MYRFL: variants seen among roughly 807,000 people sequenced by gnomAD.
The protein encoded by MYRFL is myelin regulatory factor-like protein.
MYRFL carries 88 observed loss-of-function variants against 109.4 expected under a neutral mutation model. The observed-to-expected ratio is 0.80, with a 90% CI of 0.68 to 0.96. MYRFL has a LOEUF of 0.96. MYRFL is among the 40% of genes least tolerant of loss of function. The pLI is 0.00. For missense variants in MYRFL, 957 were observed against 954.9 expected, an observed-to-expected ratio of 1.00 and a Z score of -0.03; for synonymous variants, 324 against 320.9, an observed-to-expected ratio of 1.01 and a Z score of -0.10.
intron 19 of MYRFL, among the ~76,000 whole-genome samples, chr12:69,938,842 T>A (rs1457925723): frequency 6.6e-6 from 1 of 152,038 alleles, no homozygotes; most frequent in African/African-American, 2.4e-5. Context: ...GCGCGCACCG[T>A]GCGCGAGCCG....
chr12:69,872,750 C>T (rs1028608493), intron 2 of MYRFL, among the ~76,000 whole-genome samples: 21 of 152,050 alleles, frequency 1.4e-4, no homozygotes, highest in African/African-American at 3.4e-4. Flanking sequence ...CCACCTGCCT[C>T]GGCCTCCCAA....
rs1038315396 is a variant in MYRFL, at chr12:69,891,433, G to T, written c.903+267G>T. ...TGGCCATCAGCTGGAGCTCAAATGG[G>T]GCTCTAACTGACAGGGCTTAGCTCT... is the stretch of plus-strand genomic sequence containing the variant. On this transcript the variant is annotated intron_variant, in intron 7 of 24. Coordinates refer to ENST00000552032, the MANE Select transcript of MYRFL (RefSeq NM_182530.3). Among the ~76,000 whole-genome samples, 12 of 152,148 alleles carry T rather than the reference G, an allele frequency of 7.9e-5. 1 individual carries two copies. Among genetic ancestry groups the T allele is most frequent in the Admixed American group, 7.9e-4 (12 of 15,286 alleles).
chr12:69,932,099 T>C (rs972890715), intron 15 of MYRFL, among the ~76,000 whole-genome samples: 7 of 152,228 alleles, frequency 4.6e-5, no homozygotes, highest in South Asian at 2.1e-4. Flanking sequence ...AATCATTCCA[T>C]TGGAATTCAT....
At chr12:69,870,141 C>T (rs1400417501) in intron 2 of MYRFL, among the ~76,000 whole-genome samples, 1 of 108,780 alleles carries the variant, frequency 9.2e-6, no homozygotes, top group Non-Finnish European at 1.7e-5. Context: ...CAGAGTCTCA[C>T]TCTGTTGCCC....
chr12:69,929,466 TAGACA>T (rs1202210672), intron 15 of MYRFL, among the ~76,000 whole-genome samples: 5 of 152,152 alleles, frequency 3.3e-5, no homozygotes, highest in South Asian at 4.1e-4. Flanking sequence ...AAGCTTTGGC[TAGACA>T]TCAATGAAAT....
chr12:69,955,896 C>T (rs1343327102), intron 22 of MYRFL, among the ~76,000 whole-genome samples: 3 of 151,474 alleles, frequency 2.0e-5, no homozygotes, highest in African/African-American at 7.3e-5. Context: ...GACCAGGGTC[C>T]AAGGATTCTG....
At chr12:69,947,656 T>C (rs1212029954) in intron 19 of MYRFL, among the ~76,000 whole-genome samples, 1 of 152,200 alleles carries the variant, frequency 6.6e-6, no homozygotes, top group African/African-American at 2.4e-5. Context: ...ATATTAGAGT[T>C]GGTGAAGATT....
intron 13 of MYRFL, among the ~76,000 whole-genome samples, chr12:69,914,457 C>T (rs1219231297): frequency 6.6e-6 from 1 of 152,100 alleles, no homozygotes; most frequent in Non-Finnish European, 1.5e-5. Flanking sequence ...CTGGAAGCAG[C>T]TATATAACTT....
At chr12:69,947,772 C>T (rs1199052346) in intron 19 of MYRFL, among the ~76,000 whole-genome samples, 4 of 152,122 alleles carry the variant, frequency 2.6e-5, no homozygotes, top group African/African-American at 4.8e-5. Context: ...ACTCAGCCAT[C>T]GACTGGTGGG....
chr12:69,952,579 C>CTGAG (rs1290619233), intron 20 of MYRFL, among the ~76,000 whole-genome samples: 1 of 152,100 alleles, frequency 6.6e-6, no homozygotes, highest in Non-Finnish European at 1.5e-5. Flanking sequence ...TTATTGGAGC[C>CTGAG]TGAGTTTTTA....
At chr12:69,891,609 T>TTCCTCCTTCCTTTC (rs1886837503) in intron 7 of MYRFL, among the ~76,000 whole-genome samples, 5 of 105,648 alleles carry the variant, frequency 4.7e-5, no homozygotes, top group Non-Finnish European at 5.6e-5. Flanking sequence ...TTCTTTCTCT[T>TTCCTCCTTCCTTTC]TCTTTCTTTC....
chr12:69,936,590 A>G lies in MYRFL; in HGVS notation c.2182A>G (p.Arg728Gly). 6.5e-7 allele frequency: 1 copy of G among 1,535,030 alleles called. No homozygotes were observed. Residue 728 changes from arginine (R) to glycine (G), a missense_variant, in exon 19 of 25, where the codon AGA (arginine) becomes GGA (glycine). Transcript: ENST00000552032. ...MKEVSSSPVQ[R>G]QSEEKEFHQR... ...AGAAGTCTCTTCAAGTCCTGTGCAA[A>G]GACAATCTGAGGAGAAGGAATTCCA...
intron 4 of MYRFL, among the ~76,000 whole-genome samples, chr12:69,879,928 G>A (rs920119089): frequency 4.6e-5 from 7 of 152,066 alleles, no homozygotes; most frequent in African/African-American, 1.2e-4. Flanking sequence ...AAAAGTTGTC[G>A]GGTGTAAAAT....
chr12:69,892,733 C>A (rs146749642), intron 7 of MYRFL, among the ~76,000 whole-genome samples: 48 of 152,252 alleles, frequency 3.2e-4, no homozygotes, highest in Admixed American at 8.5e-4. Flanking sequence ...AAAAGACATT[C>A]TTTGTATGAT....
At chr12:69,956,849 T>A (rs941558449) in intron 22 of MYRFL, among the ~76,000 whole-genome samples, 1 of 152,182 alleles carries the variant, frequency 6.6e-6, no homozygotes, top group Non-Finnish European at 1.5e-5. Context: ...ACTATTCTTA[T>A]AAACTGAAAG....
At chr12:69,912,297 T>C (rs1222130158) in intron 13 of MYRFL, among the ~76,000 whole-genome samples, 1 of 152,250 alleles carries the variant, frequency 6.6e-6, no homozygotes, top group African/African-American at 2.4e-5. Flanking sequence ...AGGTTTTTTA[T>C]TGTGGTAAAA....
intron 2 of MYRFL, among the ~76,000 whole-genome samples, chr12:69,871,865 T>C (rs549342637): frequency 2.0e-5 from 3 of 152,200 alleles, no homozygotes; most frequent in Non-Finnish European, 2.9e-5. Flanking sequence ...TTCTCAATGT[T>C]AAAAATAATC....
At position 69,895,493 on chromosome 12, in the gene MYRFL, A is replaced by C; in HGVS notation, c.1091+12A>C. 1.3e-6 allele frequency: 2 copies of C among 1,531,736 alleles called. No individual in the cohort carries two copies. The highest frequency in any genetic ancestry group is 1.7e-6 in the Non-Finnish European group (2 of 1,143,018). The allele number at this position is 1,531,736 out of a possible 1,614,324, so 94.9% of individuals were successfully genotyped here. ...AATCCAGACCAGAGGTACTGATGTC[A>C]CTGTGTGCATGGCAGTGTGGCTGGG... On this transcript the variant is annotated intron_variant, in intron 9 of 24. Transcript: ENST00000552032.
intron 8 of MYRFL, 125 bp downstream of exon 8, chr12:69,893,965 A>G (rs559892301): frequency 2.1e-5 from 5 of 242,966 alleles, no homozygotes; most frequent in African/African-American, 9.3e-5. Flanking sequence ...GAAACCTACC[A>G]TAGAATCCAA....
Sources: allele counts gnomAD v4.1 joint callset (sites outside exome capture counted in the v4.1 genomes callset), GRCh38; gene constraint gnomAD v4.1.1; transcripts MANE v1.5; gene names NCBI Gene and HGNC (gene_info 2026-07-23, HGNC 2026-07-21).